Variants in FAM149B1 observed in about 807,000 individuals in gnomAD.
The protein encoded by FAM149B1 is family with sequence similarity 149 member B1.
A neutral mutation model predicts 75.3 loss-of-function variants in FAM149B1; 56 were observed. That is an observed-to-expected ratio of 0.74 (90% CI 0.60 to 0.93). The LOEUF (loss-of-function observed/expected upper bound fraction) is 0.93. FAM149B1 is among the 40% of genes least tolerant of loss of function. FAM149B1 has a pLI of 0.00. For synonymous variants in FAM149B1, 259 were observed against 256.1 expected, an observed-to-expected ratio of 1.01 and a Z score of -0.11; for missense variants, 639 against 708.4, an observed-to-expected ratio of 0.90 and a Z score of 1.11.
At chr10:73,218,100 G>A (rs956803228) in intron 7 of FAM149B1, among the ~76,000 whole-genome samples, 4 of 152,158 alleles carry the variant, frequency 2.6e-5, no homozygotes, top group Non-Finnish European at 5.9e-5. Flanking sequence ...ATACAAGAGT[G>A]GGACAGGCAA....
At chr10:73,206,067 T>C (rs1252393159) in intron 5 of FAM149B1, among the ~76,000 whole-genome samples, 1 of 152,184 alleles carries the variant, frequency 6.6e-6, no homozygotes, top group Non-Finnish European at 1.5e-5. Flanking sequence ...AAAATGCTAA[T>C]AGTGAAATGG....
chr10:73,236,506 T>C (rs762223950), intron 12 of FAM149B1, among the ~76,000 whole-genome samples: 1 of 151,146 alleles, frequency 6.6e-6, no homozygotes, highest in Non-Finnish European at 1.5e-5. Context: ...CTCTGCCTAC[T>C]GGGTTCATGT....
At chr10:73,226,416 A>G (rs7069861) in intron 7 of FAM149B1, among the ~76,000 whole-genome samples, 15,918 of 152,034 alleles carry the variant, frequency 0.1, 1,211 homozygotes, top group East Asian at 0.31. Context: ...GAGGCAGGAG[A>G]ATGGCATGAA....
At chr10:73,177,122 T>C (rs1844001510) in intron 2 of FAM149B1, among the ~76,000 whole-genome samples, 1 of 152,038 alleles carries the variant, frequency 6.6e-6, no homozygotes, top group Non-Finnish European at 1.5e-5. Flanking sequence ...GAGAATCACT[T>C]GAACCCAGGA....
chr10:73,218,473 T>C (rs2043342191), intron 7 of FAM149B1, among the ~76,000 whole-genome samples: 1 of 152,212 alleles, frequency 6.6e-6, no homozygotes, highest in African/African-American at 2.4e-5. Flanking sequence ...TAAAAACTTT[T>C]TGGCTCTTCA....
chr10:73,194,105 C>T (rs1385604520), intron 5 of FAM149B1, among the ~76,000 whole-genome samples: 1 of 152,242 alleles, frequency 6.6e-6, no homozygotes, highest in South Asian at 2.1e-4. Context: ...ACAGAACTCC[C>T]GTGATCCAAT....
intron 2 of FAM149B1, among the ~76,000 whole-genome samples, chr10:73,176,872 C>G (rs926470281): frequency 6.6e-6 from 1 of 151,906 alleles, no homozygotes; most frequent in African/African-American, 2.4e-5. Flanking sequence ...ACTAAAAATA[C>G]AAAAATTGGC....
chr10:73,235,571 A>T, intron 12 of FAM149B1: 1 of 681,900 alleles, frequency 1.5e-6, no homozygotes, highest in Non-Finnish European at 2.2e-6. Context: ...TCTGACCACA[A>T]GCAAGAATAT....
Position 73,234,888 on chromosome 10 carries a change from T to G in FAM149B1, c.1424T>G (p.Ile475Ser), listed in dbSNP as rs1410047241. The change falls in exon 11 of 14, where the codon ATT becomes AGT. Residue 475 changes from isoleucine (I) to serine (S), a missense_variant. Coordinates refer to ENST00000242505, the MANE Select transcript of FAM149B1 (RefSeq NM_173348.2). ...PLSRNNLLPP[I>S]GTAEVEHVST... Reference sequence around the variant, plus strand: ...AGTCGAAATAATCTGCTACCACCTATTGGCACAGCTGAAGTGGAACATGTG... The same window carrying G: ...AGTCGAAATAATCTGCTACCACCTAGTGGCACAGCTGAAGTGGAACATGTG... The G allele has an allele frequency of 1.3e-6, 2 of 1,551,876 alleles. No homozygotes were observed. Among genetic ancestry groups the G allele is most frequent in the Non-Finnish European group, 1.7e-6 (2 of 1,147,050 alleles).
chr10:73,177,742 C>CAT, intron 2 of FAM149B1, 104 bp from the exon 3 acceptor site: 2 of 984,324 alleles, frequency 2.0e-6, no homozygotes, highest in East Asian at 2.7e-5. Context: ...TATTTGTACA[C>CAT]ATGTTAATCA....
At chr10:73,182,211 CTT>C (rs1193905747) in intron 3 of FAM149B1, among the ~76,000 whole-genome samples, 6,431 of 109,232 alleles carry the variant, frequency 0.059, 475 homozygotes, top group African/African-American at 0.19. Flanking sequence ...CAGTCTGTGT[CTT>C]TTTTTTTTTT....
chr10:73,186,142 A>G (rs2042516756), intron 3 of FAM149B1, among the ~76,000 whole-genome samples: 1 of 152,196 alleles, frequency 6.6e-6, no homozygotes, highest in Non-Finnish European at 1.5e-5. Flanking sequence ...CATTAGAAAA[A>G]CAACTCTTCA....
chr10:73,203,277 T>C lies in FAM149B1; in HGVS notation c.543-5342T>C, dbSNP rs1246583098. On this transcript the variant is annotated intron_variant, in intron 5 of 13. Coordinates refer to ENST00000242505, the MANE Select transcript of FAM149B1 (RefSeq NM_173348.2). ...CCAGAGTCCCACAGAATAATTCTGC[T>C]CATATTGCATTGACTATCTTTGGCT... Among the ~76,000 whole-genome samples the C allele has an allele frequency of 2.0e-5, 3 of 152,172 alleles. No individual in the cohort carries two copies. In the East Asian group the frequency reaches 5.8e-4, roughly 29 times the overall value.
rs76326901 is a variant in FAM149B1 at position 73,229,725 on chromosome 10, C to T, written c.1024-697C>T. ...GTGACCTAAGCCCTGAATAGTTAGA[C>T]GTTCTGGTCGCTGATGACCTAAGAA... is the stretch of plus-strand genomic sequence containing the variant. On this transcript the variant is annotated intron_variant, in intron 8 of 13. Transcript: ENST00000242505. Among the ~76,000 whole-genome samples, 948 of 152,274 alleles carry T rather than the reference C, an allele frequency of 6.2e-3. 25 individuals carry two copies. The highest frequency in any genetic ancestry group is 0.048 in the Admixed American group (739 of 15,296).
intron 7 of FAM149B1, among the ~76,000 whole-genome samples, chr10:73,217,536 T>C (rs1307928795): frequency 6.6e-6 from 1 of 152,180 alleles, no homozygotes; most frequent in Non-Finnish European, 1.5e-5. Flanking sequence ...ATGTGGAGAC[T>C]CAACTAGAGA....
At chr10:73,230,018 G>C (rs547677558) in intron 8 of FAM149B1, among the ~76,000 whole-genome samples, 5 of 152,344 alleles carry the variant, frequency 3.3e-5, no homozygotes, top group African/African-American at 9.6e-5. Context: ...AGTTTGTACA[G>C]AGTGCAGGAT....
intron 9 of FAM149B1, among the ~76,000 whole-genome samples, chr10:73,231,985 C>G (rs1419913160): frequency 6.6e-6 from 1 of 151,654 alleles, no homozygotes; most frequent in Non-Finnish European, 1.5e-5. Flanking sequence ...GAACAGTCTC[C>G]AGGTTTAGCC....
chr10:73,208,466 G>A (rs561177224), intron 5 of FAM149B1, among the ~76,000 whole-genome samples, 153 bp from the exon 6 acceptor site: 53 of 152,334 alleles, frequency 3.5e-4, no homozygotes, highest in African/African-American at 1.2e-3. Flanking sequence ...TAATCTTCCT[G>A]TTCTGAGAAA....
chr10:73,197,654 C>T (rs2042838084), intron 5 of FAM149B1, among the ~76,000 whole-genome samples: 1 of 151,940 alleles, frequency 6.6e-6, no homozygotes, highest in Admixed American at 6.6e-5. Flanking sequence ...CCTGTAATCC[C>T]AGCTGCTTGG....
Sources: gnomAD v4.1 joint callset for allele counts (sites outside exome capture counted in the v4.1 genomes callset) on GRCh38, gnomAD v4.1.1 for gene constraint, MANE v1.5 for transcripts, NCBI Gene and HGNC (gene_info 2026-07-23, HGNC 2026-07-21) for gene names.